The following NEK10 variants were observed in gnomAD, a reference collection of about 807,000 sequenced individuals.
The protein encoded by NEK10 is NIMA related kinase 10.
Under a neutral mutation model 159.8 loss-of-function variants are expected in NEK10, and 122 were observed. The ratio of observed to expected loss-of-function variants is 0.76; its 90% CI spans 0.66 to 0.89. NEK10 has a LOEUF of 0.89. Ranked by LOEUF, NEK10 falls within the 40% of genes least tolerant of loss-of-function variation. The pLI is 0.00. For synonymous variants in NEK10, 466 were observed against 457.1 expected (o/e 1.02, Z -0.25); for missense variants, 1,342 against 1,323.1 (o/e 1.01, Z -0.22).
At chr3:27,304,347 A>C (rs2044069145) in intron 12 of NEK10, among the ~76,000 whole-genome samples, 1 of 152,208 alleles carries the variant, frequency 6.6e-6, no homozygotes, top group Non-Finnish European at 1.5e-5. Context: ...CAAACATTTT[A>C]GGAAAATATT....
At chr3:27,164,154 T>C (rs1221340822) in intron 29 of NEK10, among the ~76,000 whole-genome samples, 1 of 152,212 alleles carries the variant, frequency 6.6e-6, no homozygotes, top group African/African-American at 2.4e-5. Context: ...GTTTATATAC[T>C]TTCCCTAACC....
At chr3:27,134,075 AG>A (rs893669183) in intron 31 of NEK10, among the ~76,000 whole-genome samples, 1 of 152,186 alleles carries the variant, frequency 6.6e-6, no homozygotes, top group African/African-American at 2.4e-5. Flanking sequence ...AAAGAGAGGA[AG>A]GGGGGTGCAG....
rs2047531501 is a variant in NEK10, at chr3:27,346,077, AT to A, written c.263+8del. Reference sequence around the variant, plus strand: ...TTGCTGAAGACGAAGGAGATGCTGGATTTCTTACCTAAAATTTTCAAGTTCA... The same window carrying A: ...TTGCTGAAGACGAAGGAGATGCTGGATTCTTACCTAAAATTTTCAAGTTCA... On this transcript the variant is annotated splice_region_variant and intron_variant, in intron 4 of 35. Transcript: ENST00000691995. The A allele has an allele frequency of 6.2e-7, 1 of 1,613,354 alleles. No homozygotes were observed. The highest frequency in any genetic ancestry group is 8.5e-7 in the Non-Finnish European group (1 of 1,179,420).
chr3:27,291,262 C>T lies in NEK10; in HGVS notation c.1605G>A (p.Lys535=). Residue 535 remains lysine (K), a splice_region_variant and synonymous_variant, in exon 18 of 36, where the codon AAG becomes AAA. Coordinates refer to ENST00000691995, the MANE Select transcript of NEK10 (RefSeq NM_001394966.1). ...LGSGAFGCVY[K]VRKHSGQNLL... The stretch of plus-strand genomic sequence containing the variant: ...AAATGTTCCCCAAGGGGAAAGTCAC[C>T]TTGTAAACACAGCCAAAAGCTCCAC... 6.2e-7 allele frequency: 1 copy of T among 1,611,414 alleles called. No individual in the cohort carries two copies. The highest frequency in any genetic ancestry group is 1.3e-5 in the African/African-American group (1 of 74,910).
intron 25 of NEK10, among the ~76,000 whole-genome samples, chr3:27,199,372 A>G (rs749158281): frequency 6.6e-6 from 1 of 152,220 alleles, no homozygotes; most frequent in Non-Finnish European, 1.5e-5. Flanking sequence ...AACATTACTG[A>G]TCATTACATA....
intron 5 of NEK10, among the ~76,000 whole-genome samples, chr3:27,333,748 GC>G (rs2046596296): frequency 6.6e-6 from 1 of 151,716 alleles, no homozygotes; most frequent in Non-Finnish European, 1.5e-5. Context: ...CCATTCTAGA[GC>G]CCTACCCCCA....
At chr3:27,155,965 A>G (rs906394300) in intron 30 of NEK10, among the ~76,000 whole-genome samples, 1 of 152,192 alleles carries the variant, frequency 6.6e-6, no homozygotes, top group South Asian at 2.1e-4. Flanking sequence ...GGAACAGAAT[A>G]GAGAACCCAG....
chr3:27,317,168 A>G (rs1204570688), intron 6 of NEK10, among the ~76,000 whole-genome samples: 1 of 152,218 alleles, frequency 6.6e-6, no homozygotes, highest in Non-Finnish European at 1.5e-5. Context: ...AAGTGGAGCA[A>G]GGCCAGGAGA....
intron 5 of NEK10, among the ~76,000 whole-genome samples, chr3:27,334,445 A>T (rs536305707): frequency 1.3e-5 from 2 of 152,148 alleles, no homozygotes; most frequent in South Asian, 4.1e-4. Flanking sequence ...ACCCAACTGG[A>T]CCTGCTAACA....
chr3:27,251,196 C>G (rs1329930114), intron 23 of NEK10, among the ~76,000 whole-genome samples: 2 of 152,164 alleles, frequency 1.3e-5, no homozygotes, highest in Non-Finnish European at 2.9e-5. Context: ...AATAGCCGAT[C>G]TAGAATTTAA....
At chr3:27,191,716 C>T (rs1949138398) in intron 26 of NEK10, among the ~76,000 whole-genome samples, 1 of 152,128 alleles carries the variant, frequency 6.6e-6, no homozygotes, top group African/African-American at 2.4e-5. Flanking sequence ...AGTCAGATTG[C>T]TGAAGAAATT....
chr3:27,278,241 C>A lies in NEK10; in HGVS notation c.2014+6361G>T, dbSNP rs117515768. The stretch of plus-strand genomic sequence containing the variant: ...ATTTCAGGTTACTTATTACATGTTA[C>A]AGTATTTTGCATATACATTCTAGCC... On this transcript the variant is annotated intron_variant, in intron 22 of 35. Transcript: ENST00000691995. Among the ~76,000 whole-genome samples the A allele has an allele frequency of 8.7e-4, 133 of 152,284 alleles. 1 individual carries two copies. In the East Asian group the frequency reaches 0.021, roughly 24 times the overall value.
intron 29 of NEK10, among the ~76,000 whole-genome samples, chr3:27,170,952 T>A (rs1034508436): frequency 1.3e-5 from 2 of 152,088 alleles, no homozygotes; most frequent in African/African-American, 2.4e-5. Flanking sequence ...ATTGGTCTCT[T>A]CTCCTTCCTC....
chr3:27,280,827 CA>C (rs2042098729), intron 22 of NEK10, among the ~76,000 whole-genome samples: 1 of 151,522 alleles, frequency 6.6e-6, no homozygotes, highest in South Asian at 2.1e-4. Flanking sequence ...TAATACTAAG[CA>C]GGAATAAAAC....
At chr3:27,351,446 T>C (rs2047963772) in intron 3 of NEK10, among the ~76,000 whole-genome samples, 1 of 152,144 alleles carries the variant, frequency 6.6e-6, no homozygotes, top group Non-Finnish European at 1.5e-5. Flanking sequence ...GGCTGTATGA[T>C]CTTGGGAAAG....
intron 22 of NEK10, among the ~76,000 whole-genome samples, chr3:27,282,218 C>T (rs2042211465): frequency 6.6e-6 from 1 of 151,838 alleles, no homozygotes; most frequent in Non-Finnish European, 1.5e-5. Context: ...GGAGACGTGG[C>T]CATTTTGTGG....
chr3:27,243,419 G>A (rs1339917095), intron 23 of NEK10, among the ~76,000 whole-genome samples: 1 of 151,922 alleles, frequency 6.6e-6, no homozygotes, highest in African/African-American at 2.4e-5. Context: ...CCCCTAATAT[G>A]GTAATTTCAC....
intron 22 of NEK10, among the ~76,000 whole-genome samples, chr3:27,283,857 T>G (rs1414909602): frequency 6.6e-6 from 1 of 152,184 alleles, no homozygotes; most frequent in Non-Finnish European, 1.5e-5. Flanking sequence ...CAGACTATGG[T>G]AAAATGGTTC....
chr3:27,116,139 A>G lies in NEK10; in HGVS notation c.3191-12T>C, dbSNP rs1269731199. ...GCTGGTTGGTAAACCTAAAAAAGATAAATTATGGAAAGTCTGACATTTGGG... is the reference window on the plus strand; with the variant it reads ...GCTGGTTGGTAAACCTAAAAAAGATGAATTATGGAAAGTCTGACATTTGGG... On this transcript the variant is annotated splice_polypyrimidine_tract_variant and intron_variant, in intron 33 of 35. Transcript: ENST00000691995. 1 of 1,612,160 alleles carries G rather than the reference A, an allele frequency of 6.2e-7. No homozygotes were observed. Among genetic ancestry groups the G allele is most frequent in the Admixed American group, 1.7e-5 (1 of 59,930 alleles).
Sources: allele counts gnomAD v4.1 joint callset (sites outside exome capture counted in the v4.1 genomes callset), GRCh38; gene constraint gnomAD v4.1.1; transcripts MANE v1.5; gene names NCBI Gene and HGNC (gene_info 2026-07-23, HGNC 2026-07-21).